Variants in THRB observed in about 807,000 individuals in gnomAD.
THRB encodes the protein thyroid hormone receptor beta.
A neutral mutation model predicts 47.8 loss-of-function variants in THRB; 12 were observed. The ratio of observed to expected loss-of-function variants is 0.25; its 90% CI spans 0.16 to 0.41. The LOEUF (loss-of-function observed/expected upper bound fraction) is 0.41, where lower values mean the gene tolerates loss of function less well. Among genes scored for constraint, THRB ranks in the 10% least tolerant of loss-of-function variants. The pLI is 1.00. For synonymous variants in THRB, 218 were observed against 212.2 expected, an observed-to-expected ratio of 1.03 and a Z score of -0.24; for missense variants, 348 against 589.2, an observed-to-expected ratio of 0.59 and a Z score of 4.24.
intron 4 of THRB, among the ~76,000 whole-genome samples, chr3:24,196,211 G>C (rs776249336): frequency 3.3e-5 from 5 of 152,112 alleles, no homozygotes; most frequent in Non-Finnish European, 7.3e-5. Context: ...ACCTTCTATA[G>C]TTCAGTTAAA....
At chr3:24,388,904 A>G (rs2066339276) in intron 1 of THRB, among the ~76,000 whole-genome samples, 1 of 152,166 alleles carries the variant, frequency 6.6e-6, no homozygotes, top group African/African-American at 2.4e-5. Flanking sequence ...TAATCTTGGT[A>G]GCTCTACCCT....
At chr3:24,217,173 T>C (rs2046653417) in intron 4 of THRB, among the ~76,000 whole-genome samples, 1 of 151,512 alleles carries the variant, frequency 6.6e-6, no homozygotes, top group South Asian at 2.1e-4. Context: ...TACAAGAATA[T>C]TCAGAATTTT....
At chr3:24,130,092 G>A (rs1161185022) in intron 9 of THRB, among the ~76,000 whole-genome samples, 1 of 152,188 alleles carries the variant, frequency 6.6e-6, no homozygotes, top group Non-Finnish European at 1.5e-5. Flanking sequence ...AAAGGCTAAA[G>A]GTCATCAGGA....
intron 1 of THRB, among the ~76,000 whole-genome samples, chr3:24,457,119 C>A (rs2073244389): frequency 1.3e-5 from 2 of 152,076 alleles, no homozygotes; most frequent in South Asian, 4.1e-4. Context: ...AGTTAAAAAC[C>A]TTAAGATTTC....
At chr3:24,337,920 A>G (rs1237830931) in intron 1 of THRB, among the ~76,000 whole-genome samples, 2 of 152,206 alleles carry the variant, frequency 1.3e-5, no homozygotes, top group Non-Finnish European at 2.9e-5. Context: ...GCTAAATGCA[A>G]TCATATGGTG....
At chr3:24,295,716 AGCTTGGGGTTCCTGAG>A (rs1366491611) in intron 3 of THRB, among the ~76,000 whole-genome samples, 1 of 152,168 alleles carries the variant, frequency 6.6e-6, no homozygotes, top group Non-Finnish European at 1.5e-5. Flanking sequence ...TAATGAGGCC[AGCTTGGGGTTCCTGAG>A]GCTTGGGTCT....
chr3:24,203,985 G>C lies in THRB; in HGVS notation c.23-13651C>G, dbSNP rs919949597. Among the ~76,000 whole-genome samples, 9 of 152,392 alleles carry C rather than the reference G, an allele frequency of 5.9e-5. No individual in the cohort carries two copies. The South Asian group carries it at 1.7e-3, about 28-fold the overall frequency. On this transcript the variant is annotated intron_variant, in intron 4 of 10. Transcript: ENST00000646209. ...GGGGCACCCGCCATTGCTGAGGCTT[G>C]AGTAGGTAAACAAAGCAGCCGGGAA... is the stretch of plus-strand genomic sequence containing the variant.
chr3:24,353,964 A>G (rs2063514002), intron 1 of THRB, among the ~76,000 whole-genome samples: 1 of 152,134 alleles, frequency 6.6e-6, no homozygotes, highest in Non-Finnish European at 1.5e-5. Context: ...GATTTCAATT[A>G]AATGCTTCTA....
chr3:24,400,149 C>T (rs1226662921), intron 1 of THRB, among the ~76,000 whole-genome samples: 1 of 152,048 alleles, frequency 6.6e-6, no homozygotes, highest in Non-Finnish European at 1.5e-5. Context: ...GGATAGGCAA[C>T]ACGTTAGTAA....
intron 4 of THRB, among the ~76,000 whole-genome samples, chr3:24,192,091 A>C (rs935754578): frequency 1.3e-5 from 2 of 152,200 alleles, no homozygotes; most frequent in African/African-American, 4.8e-5. Context: ...TAAATCAAAA[A>C]GGTGTGGACT....
chr3:24,446,881 G>A (rs746731811), intron 1 of THRB, among the ~76,000 whole-genome samples: 1 of 152,084 alleles, frequency 6.6e-6, no homozygotes, highest in Non-Finnish European at 1.5e-5. Flanking sequence ...TTGAGACAGG[G>A]AGCTTATCCT....
chr3:24,398,406 A>C (rs2067135566), intron 1 of THRB, among the ~76,000 whole-genome samples: 1 of 152,210 alleles, frequency 6.6e-6, no homozygotes, highest in Non-Finnish European at 1.5e-5. Flanking sequence ...CCCCATCAAC[A>C]AGTGGGCGAA....
intron 5 of THRB, among the ~76,000 whole-genome samples, chr3:24,157,867 ATAGTT>A (rs1283358306): frequency 1.3e-5 from 2 of 152,222 alleles, no homozygotes; most frequent in African/African-American, 4.8e-5. Context: ...TGGGCATAGT[ATAGTT>A]TAATGTATAA....
chr3:24,481,837 T>TA (rs35810270), intron 1 of THRB, among the ~76,000 whole-genome samples: 3,887 of 118,932 alleles, frequency 0.033, 132 homozygotes, highest in African/African-American at 0.089. Flanking sequence ...ATATGGACCA[T>TA]AAAAAAAAAA....
intron 5 of THRB, among the ~76,000 whole-genome samples, chr3:24,186,016 A>G (rs1164447152): frequency 6.6e-6 from 1 of 152,214 alleles, no homozygotes; most frequent in Non-Finnish European, 1.5e-5. Context: ...GGCCCAACCA[A>G]GAATGGAGGG....
At chr3:24,426,345 T>C (rs1325217266) in intron 1 of THRB, among the ~76,000 whole-genome samples, 1 of 151,944 alleles carries the variant, frequency 6.6e-6, no homozygotes, top group Non-Finnish European at 1.5e-5. Context: ...TATATAAAAT[T>C]GGGTTGAATC....
At position 24,338,181 on chromosome 3, in the gene THRB, A is replaced by AT. The variant is rs527744788; in HGVS notation, c.-260-811dup. Among the ~76,000 whole-genome samples the AT allele has an allele frequency of 3.4e-4, 52 of 152,178 alleles. No homozygotes were observed. In the South Asian group the frequency reaches 7.3e-3, roughly 21 times the overall value. On this transcript the variant is annotated intron_variant, in intron 1 of 10. Transcript: ENST00000646209. ...TAAACATTTTGTCACCTGTGCTCTA[A>AT]TTTTTTTTAATTTAAAAAAGGGTAT... is the stretch of plus-strand genomic sequence containing the variant.
In THRB at chr3:24,122,719, C is replaced by G. The variant is rs1388608720; in HGVS notation, c.*165G>C. 8 of 898,360 alleles carry G rather than the reference C, an allele frequency of 8.9e-6. No individual in the cohort carries two copies. The African/African-American group carries it at 1.0e-4, about 11-fold the overall frequency. 55.6% of individuals were successfully genotyped at this position (898,360 alleles called of 1,614,324 possible). ...ACGAAATGCAATAGTTTCAAGTACC[C>G]GCATTCAAGGGGCAATTTCATCCAT... On this transcript the variant is annotated 3_prime_UTR_variant, in exon 11 of 11. Transcript: ENST00000646209.
intron 1 of THRB, among the ~76,000 whole-genome samples, chr3:24,464,537 A>C (rs1031871189): frequency 4.6e-5 from 7 of 152,212 alleles, no homozygotes; most frequent in African/African-American, 1.7e-4. Context: ...GCTTGTAGAC[A>C]GCATATACCT....
Sources: gnomAD v4.1 joint callset for allele counts (sites outside exome capture counted in the v4.1 genomes callset) on GRCh38, gnomAD v4.1.1 for gene constraint, MANE v1.5 for transcripts, NCBI Gene and HGNC (gene_info 2026-07-23, HGNC 2026-07-21) for gene names.